NRIP3: variants seen among roughly 807,000 people sequenced by gnomAD.
NRIP3 encodes the protein nuclear receptor-interacting protein 3.
Under a neutral mutation model 29.0 loss-of-function variants are expected in NRIP3, and 31 were observed. The observed-to-expected ratio is 1.07, with a 90% CI of 0.80 to 1.44. The LOEUF (loss-of-function observed/expected upper bound fraction) is 1.44, where lower values mean the gene tolerates loss of function less well. NRIP3 is among the 40% of genes most tolerant of loss of function. The pLI, the probability that NRIP3 is intolerant of heterozygous loss-of-function variation, is 0.00. For synonymous variants in NRIP3, 131 were observed against 118.3 expected, an observed-to-expected ratio of 1.11 and a Z score of -0.70; for missense variants, 314 against 297.9, an observed-to-expected ratio of 1.05 and a Z score of -0.40.
At chr11:8,988,540 T>C (rs1359143974) in intron 1 of NRIP3, among the ~76,000 whole-genome samples, 3 of 152,174 alleles carry the variant, frequency 2.0e-5, no homozygotes, top group Non-Finnish European at 4.4e-5. Flanking sequence ...CGATAAATAT[T>C]CTAGGGCTTA....
intron 2 of NRIP3, 26 bp downstream of exon 2, chr11:8,988,092 T>TG (rs1320605981): frequency 7.4e-6 from 12 of 1,610,790 alleles, no homozygotes; most frequent in Non-Finnish European, 9.3e-6. Flanking sequence ...CAGAAAACCC[T>TG]GGAAAAGCTG....
At chr11:8,991,661 A>C (rs990911267) in intron 1 of NRIP3, among the ~76,000 whole-genome samples, 3 of 152,260 alleles carry the variant, frequency 2.0e-5, no homozygotes, top group African/African-American at 7.2e-5. Flanking sequence ...GACTAGAGAA[A>C]GCTAAGTGCT....
At position 8,988,061 on chromosome 11, in the gene NRIP3, A is replaced by G. The variant is rs1854544387; in HGVS notation, c.339+57T>C. 3 of 1,525,334 alleles carry G rather than the reference A, an allele frequency of 2.0e-6. No individual in the cohort carries two copies. In the East Asian group the frequency reaches 6.8e-5, roughly 34 times the overall value. The allele number at this position is 1,525,334 out of a possible 1,614,324, so 94.5% of individuals were successfully genotyped here. ...CCACACTCTATAAAGTCAGGAGGAG[A>G]GGGCCCCACATCCTACTTTCCAGAA... On this transcript the variant is annotated intron_variant, in intron 2 of 6. Coordinates refer to ENST00000309166, the MANE Select transcript of NRIP3 (RefSeq NM_020645.3).
intron 1 of NRIP3, among the ~76,000 whole-genome samples, chr11:8,992,489 T>C (rs988028235): frequency 5.9e-5 from 9 of 152,092 alleles, no homozygotes; most frequent in African/African-American, 1.2e-4. Context: ...TGGAATAGCA[T>C]TGATGACAAA....
rs114283401 is a variant in NRIP3 at position 8,983,922 on chromosome 11, G to A, written c.663C>T (p.Asp221=). 2.5e-6 allele frequency: 4 copies of A among 1,614,072 alleles called. No individual in the cohort carries two copies. The African/African-American group carries it at 4.0e-5, about 16-fold the overall frequency. ...DKHRLIMGKT[D]KEEIPFVETV... ...TCTCCACAAAAGGGATTTCTTCCTT[G>A]TCTGTCTTCCCCATGATCAGCCGGT... Residue 221 remains aspartate, a synonymous_variant, in exon 6 of 7, where the codon GAC becomes GAT. Coordinates refer to ENST00000309166, the MANE Select transcript of NRIP3 (RefSeq NM_020645.3).
intron 1 of NRIP3, among the ~76,000 whole-genome samples, chr11:8,990,248 A>G (rs1854577643): frequency 6.6e-6 from 1 of 152,214 alleles, no homozygotes. Context: ...CTTTTTAAAA[A>G]AAGACTAAAC....
chr11:8,991,363 A>C (rs144062168), intron 1 of NRIP3, among the ~76,000 whole-genome samples: 3,315 of 152,344 alleles, frequency 0.022, 121 homozygotes, highest in African/African-American at 0.077. Context: ...TGATAATTAA[A>C]AAGTACTCAT....
chr11:9,000,858 C>A (rs1854781274), intron 1 of NRIP3, among the ~76,000 whole-genome samples: 1 of 152,018 alleles, frequency 6.6e-6, no homozygotes, highest in Non-Finnish European at 1.5e-5. Flanking sequence ...CGCTTGAGAC[C>A]AGGAGTTCAA....
At chr11:8,999,248 A>G (rs1854758409) in intron 1 of NRIP3, among the ~76,000 whole-genome samples, 1 of 152,158 alleles carries the variant, frequency 6.6e-6, no homozygotes, top group Admixed American at 6.5e-5. Flanking sequence ...TCTTAATCCA[A>G]TGCATCAATT....
At chr11:8,985,447 G>C (rs903280008) in intron 4 of NRIP3, among the ~76,000 whole-genome samples, 7 of 151,074 alleles carry the variant, frequency 4.6e-5, no homozygotes, top group Non-Finnish European at 1.0e-4. Flanking sequence ...GGGATTACAG[G>C]CATGACCCAC....
intron 1 of NRIP3, among the ~76,000 whole-genome samples, chr11:8,993,087 A>G (rs950455327): frequency 2.0e-5 from 3 of 152,136 alleles, no homozygotes; most frequent in African/African-American, 7.2e-5. Flanking sequence ...GAATGAAAGA[A>G]TCCAATAGAG....
chr11:8,997,709 AC>A (rs1467452290), intron 1 of NRIP3, among the ~76,000 whole-genome samples: 3 of 152,238 alleles, frequency 2.0e-5, no homozygotes, highest in Non-Finnish European at 4.4e-5. Context: ...CACTGCTTAA[AC>A]ATCTCTTCTA....
At chr11:8,999,896 T>C (rs1854766908) in intron 1 of NRIP3, among the ~76,000 whole-genome samples, 1 of 152,190 alleles carries the variant, frequency 6.6e-6, no homozygotes, top group Admixed American at 6.5e-5. Flanking sequence ...GCCTTCCCTA[T>C]TCCCCTTACC....
At chr11:9,001,713 A>G (rs925826801) in intron 1 of NRIP3, among the ~76,000 whole-genome samples, 9 of 151,712 alleles carry the variant, frequency 5.9e-5, no homozygotes, top group Admixed American at 5.9e-4. Flanking sequence ...AGGCTGCAAC[A>G]ACAGTTCCAA....
rs117362696 is a variant in NRIP3, at chr11:8,988,044, T to C, written c.339+74A>G. ...TATGAATTCCATGAGACCCACACTC[T>C]ATAAAGTCAGGAGGAGAGGGCCCCA... On this transcript the variant is annotated intron_variant, in intron 2 of 6. Transcript: ENST00000309166. 2.9e-3 allele frequency: 4,126 copies of C among 1,437,790 alleles called. 17 individuals carry two copies. Among genetic ancestry groups the C allele is most frequent in the Non-Finnish European group, 3.5e-3 (3,601 of 1,034,416 alleles). The allele number at this position is 1,437,790 out of a possible 1,614,324, so 89.1% of individuals were successfully genotyped here.
At chr11:8,993,437 T>C (rs1017358731) in intron 1 of NRIP3, among the ~76,000 whole-genome samples, 2 of 152,212 alleles carry the variant, frequency 1.3e-5, no homozygotes, top group African/African-American at 4.8e-5. Context: ...CCAAAATAGT[T>C]ATTTAACAGA....
intron 4 of NRIP3, 57 bp downstream of exon 4, chr11:8,985,654 G>C (rs1336222474): frequency 1.9e-6 from 3 of 1,575,126 alleles, no homozygotes; most frequent in Non-Finnish European, 1.7e-6. Flanking sequence ...GGTTTTGTTG[G>C]GGGTAGGGAG....
intron 1 of NRIP3, among the ~76,000 whole-genome samples, chr11:8,993,457 T>C (rs747472226): frequency 2.0e-5 from 3 of 152,172 alleles, no homozygotes; most frequent in Admixed American, 6.5e-5. Context: ...AATGTTAGTA[T>C]AATAGAAGAG....
intron 1 of NRIP3, among the ~76,000 whole-genome samples, chr11:9,000,848 C>T (rs746908609): frequency 2.0e-5 from 3 of 151,958 alleles, no homozygotes; most frequent in Non-Finnish European, 4.4e-5. Flanking sequence ...GTGGGCAGAT[C>T]GCTTGAGACC....
Sources: gnomAD v4.1 joint callset for allele counts (sites outside exome capture counted in the v4.1 genomes callset) on GRCh38, gnomAD v4.1.1 for gene constraint, MANE v1.5 for transcripts, NCBI Gene and HGNC (gene_info 2026-07-23, HGNC 2026-07-21) for gene names.